ADK: variants seen among roughly 807,000 people sequenced by gnomAD.
The protein encoded by ADK is N6,N6-dimethyladenosine kinase.
A neutral mutation model predicts 44.7 loss-of-function variants in ADK; 24 were observed. That is an observed-to-expected ratio of 0.54 (90% CI 0.39 to 0.76). ADK has a LOEUF of 0.76. Ranked by LOEUF, ADK falls within the 30% of genes least tolerant of loss-of-function variation. ADK has a pLI of 0.00. For synonymous variants in ADK, 128 were observed against 142.6 expected (o/e 0.90, Z 0.73); for missense variants, 321 against 425.1 (o/e 0.76, Z 2.15).
chr10:74,693,587 C>T (rs966088932), intron 10 of ADK, among the ~76,000 whole-genome samples: 1 of 82,388 alleles, frequency 1.2e-5, no homozygotes, highest in African/African-American at 3.8e-5. Context: ...CCGGCATTCC[C>T]TGTGAGGGAA....
chr10:74,319,723 T>C lies in ADK; in HGVS notation c.273+4978T>C, dbSNP rs575243984. Among the ~76,000 whole-genome samples, 4 of 152,296 alleles carry C rather than the reference T, an allele frequency of 2.6e-5. No individual in the cohort carries two copies. In the East Asian group the frequency reaches 7.7e-4, roughly 29 times the overall value. On this transcript the variant is annotated intron_variant, in intron 4 of 10. Transcript: ENST00000539909. ...TTTGGTAGTGTTCTTTTTTGATACC[T>C]TCTTCCTTTTCTTTCCTGTATATGT...
intron 4 of ADK, among the ~76,000 whole-genome samples, chr10:74,350,836 G>A (rs1841938867): frequency 6.6e-6 from 1 of 152,072 alleles, no homozygotes; most frequent in South Asian, 2.1e-4. Context: ...TACATTCCTG[G>A]ATACATTCCT....
chr10:74,584,559 A>G (rs1010024536), intron 7 of ADK, among the ~76,000 whole-genome samples: 8 of 152,204 alleles, frequency 5.3e-5, no homozygotes, highest in Non-Finnish European at 8.8e-5. Flanking sequence ...ATGAATTTTT[A>G]TTATACAGAG....
chr10:74,580,671 A>G (rs931562278), intron 7 of ADK, among the ~76,000 whole-genome samples: 1 of 151,832 alleles, frequency 6.6e-6, no homozygotes, highest in Non-Finnish European at 1.5e-5. Context: ...GCCTTCTGCC[A>G]TGATTGTGAG....
chr10:74,445,528 C>G (rs1845562598), intron 6 of ADK, among the ~76,000 whole-genome samples: 1 of 151,716 alleles, frequency 6.6e-6, no homozygotes, highest in African/African-American at 2.4e-5. Context: ...TTTTAAGTGC[C>G]TTTAAGTGAA....
chr10:74,310,407 G>A (rs1840394067), intron 3 of ADK, among the ~76,000 whole-genome samples: 1 of 152,078 alleles, frequency 6.6e-6, no homozygotes, highest in Admixed American at 6.5e-5. Flanking sequence ...CTTCTTATGA[G>A]TTTTCTTCTC....
At chr10:74,182,112 C>T (rs1842581272) in intron 1 of ADK, among the ~76,000 whole-genome samples, 1 of 152,162 alleles carries the variant, frequency 6.6e-6, no homozygotes, top group Non-Finnish European at 1.5e-5. Context: ...CCACTCAGAA[C>T]ATTCATATGG....
chr10:74,189,758 C>G (rs1842894924), intron 1 of ADK, among the ~76,000 whole-genome samples: 1 of 152,154 alleles, frequency 6.6e-6, no homozygotes, highest in Non-Finnish European at 1.5e-5. Flanking sequence ...CTTCATGTCT[C>G]CCTAACCTCT....
chr10:74,571,167 A>G (rs961476661), intron 7 of ADK, among the ~76,000 whole-genome samples: 4 of 152,108 alleles, frequency 2.6e-5, no homozygotes, highest in Non-Finnish European at 4.4e-5. Context: ...AAGCTTTTTG[A>G]TGTGCTGCTG....
chr10:74,699,676 GATA>G (rs1453383987), intron 10 of ADK, among the ~76,000 whole-genome samples: 2 of 151,922 alleles, frequency 1.3e-5, no homozygotes, highest in African/African-American at 4.8e-5. Flanking sequence ...TCTCAAAAAC[GATA>G]ATAATAATTA....
At chr10:74,214,011 G>C (rs1045027800) in intron 2 of ADK, among the ~76,000 whole-genome samples, 1 of 152,114 alleles carries the variant, frequency 6.6e-6, no homozygotes, top group Admixed American at 6.5e-5. Flanking sequence ...AGAATACAAA[G>C]AGTATAGTTC....
chr10:74,382,977 C>G (rs1408027112), intron 4 of ADK, among the ~76,000 whole-genome samples: 1 of 151,640 alleles, frequency 6.6e-6, no homozygotes, highest in Admixed American at 6.6e-5. Flanking sequence ...TCACACATAC[C>G]CTGCAATGAT....
intron 8 of ADK, among the ~76,000 whole-genome samples, chr10:74,600,115 A>G (rs978661182): frequency 2.6e-5 from 4 of 152,182 alleles, no homozygotes; most frequent in Non-Finnish European, 4.4e-5. Context: ...TTACTTTAGA[A>G]TAATTTGAAA....
chr10:74,541,876 G>A (rs1034703563), intron 7 of ADK, among the ~76,000 whole-genome samples: 17 of 141,820 alleles, frequency 1.2e-4, no homozygotes, highest in African/African-American at 4.0e-4. Flanking sequence ...ATTTTAGTGT[G>A]TTTCGTTACT....
At chr10:74,317,413 A>T (rs867066560) in intron 4 of ADK, among the ~76,000 whole-genome samples, 1 of 152,126 alleles carries the variant, frequency 6.6e-6, no homozygotes, top group Admixed American at 6.6e-5. Context: ...GAAGCACTTA[A>T]TGTGAGTTTT....
chr10:74,665,704 C>T (rs1038963502), intron 9 of ADK, among the ~76,000 whole-genome samples: 2 of 148,676 alleles, frequency 1.3e-5, no homozygotes, highest in African/African-American at 2.5e-5. Flanking sequence ...CACTGCACTC[C>T]AGCCTGGGAG....
chr10:74,695,833 T>C (rs956556823), intron 10 of ADK, among the ~76,000 whole-genome samples: 30 of 151,884 alleles, frequency 2.0e-4, no homozygotes, highest in Admixed American at 3.3e-4. Flanking sequence ...AGAGCCGAGG[T>C]TTCAATTTCT....
intron 7 of ADK, among the ~76,000 whole-genome samples, chr10:74,539,628 A>G (rs1849561039): frequency 1.3e-5 from 2 of 152,140 alleles, no homozygotes; most frequent in South Asian, 2.1e-4. Context: ...GACAAAATGT[A>G]AGGTTGTTAT....
intron 6 of ADK, among the ~76,000 whole-genome samples, chr10:74,408,119 A>G (rs1008311740): frequency 7.5e-5 from 11 of 146,542 alleles, no homozygotes; most frequent in African/African-American, 2.8e-4. Flanking sequence ...AGCTGGGATT[A>G]TAGGCACCTA....
Sources: gnomAD v4.1 joint callset for allele counts (sites outside exome capture counted in the v4.1 genomes callset) on GRCh38, gnomAD v4.1.1 for gene constraint, MANE v1.5 for transcripts, NCBI Gene and HGNC (gene_info 2026-07-23, HGNC 2026-07-21) for gene names.